The following XYLT1 variants were observed in gnomAD, a reference collection of about 807,000 sequenced individuals.
XYLT1 encodes the protein beta-D-xylosyltransferase 1.
Under a neutral mutation model 91.3 loss-of-function variants are expected in XYLT1, and 36 were observed. That is an observed-to-expected ratio of 0.39 (90% CI 0.30 to 0.52). The LOEUF is 0.52. Ranked by LOEUF, XYLT1 falls within the 20% of genes least tolerant of loss-of-function variation. XYLT1 has a pLI of 0.68. For synonymous variants in XYLT1, 588 were observed against 532.0 expected (o/e 1.11, Z -1.45); for missense variants, 1,242 against 1,284.5 (o/e 0.97, Z 0.51).
chr16:17,161,117 T>C (rs2031539514), intron 5 of XYLT1, among the ~76,000 whole-genome samples: 1 of 152,076 alleles, frequency 6.6e-6, no homozygotes, highest in South Asian at 2.1e-4. Context: ...TCTCCCAGGG[T>C]CAGCGGCTGC....
At position 17,358,034 on chromosome 16, in the gene XYLT1, G is replaced by C. The variant is rs189242011; in HGVS notation, c.380C>G (p.Pro127Arg). Residue 127 changes from proline to arginine, a missense_variant, in exon 2 of 12, where the codon CCG becomes CGG. Around this residue, in one of 3 missense-constraint regions of XYLT1, gnomAD observed 437 missense variants for 411.5 expected, o/e 1.06. Transcript: ENST00000261381. ...TACCTGAGTCTCCAGGGTGATGAGC[G>C]GACTTGGGTGTGGATCCTGTAGGAT... ...PARALDPHPS[P>R]LITLETQDGY... 2 of 1,613,508 alleles carry C rather than the reference G, an allele frequency of 1.2e-6. No individual in the cohort carries two copies. The highest frequency in any genetic ancestry group is 2.2e-5 in the South Asian group (2 of 91,016).
intron 11 of XYLT1, among the ~76,000 whole-genome samples, chr16:17,115,395 A>T (rs1966849920): frequency 6.7e-6 from 1 of 150,200 alleles, no homozygotes; most frequent in African/African-American, 2.4e-5. Flanking sequence ...GAGGTGAGAG[A>T]ATTACTTGAG....
Position 17,138,449 on chromosome 16 carries a change from CGATTCCAGTTGGT to C in XYLT1, c.1657_1669del (p.Thr553AlafsTer48). 1.2e-6 allele frequency: 2 copies of C among 1,614,136 alleles called. No individual in the cohort carries two copies. The highest frequency in any genetic ancestry group is 1.3e-5 in the African/African-American group (1 of 75,026). ...GTACTGGCACTTGCAGCCCAGCTTGCGATTCCAGTTGGTGATGCGCAGGTTGTTGTCCACCATG... is the reference window on the plus strand; with the variant it reads ...GTACTGGCACTTGCAGCCCAGCTTGCGATGCGCAGGTTGTTGTCCACCATG... On this transcript the variant is annotated frameshift_variant, in exon 8 of 12. Transcript: ENST00000261381. LOFTEE classifies it high-confidence loss of function.
chr16:17,436,866 G>T (rs552635631), intron 1 of XYLT1, among the ~76,000 whole-genome samples: 1 of 152,214 alleles, frequency 6.6e-6, no homozygotes, highest in Non-Finnish European at 1.5e-5. Context: ...TTACACAGGC[G>T]TGAGAGAAGT....
At chr16:17,277,675 C>T (rs1204361903) in intron 2 of XYLT1, among the ~76,000 whole-genome samples, 1 of 152,088 alleles carries the variant, frequency 6.6e-6, no homozygotes, top group Non-Finnish European at 1.5e-5. Context: ...CAGGGGTGAG[C>T]CCCCGGGTTC....
intron 1 of XYLT1, among the ~76,000 whole-genome samples, chr16:17,398,818 G>GCACCC (rs2035923770): frequency 1.2e-5 from 1 of 84,746 alleles, no homozygotes; most frequent in African/African-American, 4.6e-5. Flanking sequence ...AAATGTCCCC[G>GCACCC]CCCCCCCCCA....
chr16:17,147,078 CAG>C (rs1440514200), intron 6 of XYLT1, among the ~76,000 whole-genome samples: 1 of 152,174 alleles, frequency 6.6e-6, no homozygotes, highest in Admixed American at 6.5e-5. Context: ...CAATGGAAGA[CAG>C]ATAATCCAAG....
intron 2 of XYLT1, among the ~76,000 whole-genome samples, chr16:17,335,620 G>A (rs2034968554): frequency 6.7e-6 from 1 of 149,660 alleles, no homozygotes; most frequent in Non-Finnish European, 1.5e-5. Context: ...CTTTAACCCG[G>A]AAGGCAGAAG....
At position 17,158,896 on chromosome 16, in the gene XYLT1, A is replaced by G. The variant is rs751439183; in HGVS notation, c.1303T>C (p.Leu435=). 2 of 1,614,052 alleles carry G rather than the reference A, an allele frequency of 1.2e-6. No individual in the cohort carries two copies. The highest frequency in any genetic ancestry group is 1.7e-6 in the Non-Finnish European group (2 of 1,179,990). The change falls in exon 6 of 12, where the codon TTG becomes CTG. Residue 435 remains leucine (L), a synonymous_variant. Transcript: ENST00000261381. The stretch of plus-strand genomic sequence containing the variant: ...CGGTATCGGGAGAGAAACGCCACCA[A>G]CTGGTCATTTGTCCTGTGGAAACAA... The part of the protein sequence containing the change: ...ADYPIRTNDQ[L]VAFLSRYRDM...
At chr16:17,349,396 T>C (rs1332761658) in intron 2 of XYLT1, among the ~76,000 whole-genome samples, 1 of 152,184 alleles carries the variant, frequency 6.6e-6, no homozygotes, top group African/African-American at 2.4e-5. Context: ...TCTACCTATC[T>C]TGTAACATAG....
intron 2 of XYLT1, among the ~76,000 whole-genome samples, chr16:17,322,763 T>A (rs2034743801): frequency 6.6e-6 from 1 of 152,186 alleles, no homozygotes. Context: ...CTCCCCTTCA[T>A]AGCATTTCAC....
rs762406815 is a variant in XYLT1, at chr16:17,117,857, G to GACGGTC, written c.2340_2345dup (p.Thr781_Val782dup). 10 of 1,614,010 alleles carry GACGGTC rather than the reference G, an allele frequency of 6.2e-6. No individual in the cohort carries two copies. The Admixed American group carries it at 8.3e-5, about 13-fold the overall frequency. ...TGACATTGACGGGATCCACCCAAAT[G>GACGGTC]ACGGTCACGGTCACATTAGGTCCCT... On this transcript the variant is annotated inframe_insertion, in exon 11 of 12. Coordinates refer to ENST00000261381, the MANE Select transcript of XYLT1 (RefSeq NM_022166.4).
intron 2 of XYLT1, among the ~76,000 whole-genome samples, chr16:17,276,246 C>T (rs185206328): frequency 6.6e-5 from 10 of 152,292 alleles, no homozygotes; most frequent in Non-Finnish European, 1.3e-4. Context: ...CAGGGGCTTC[C>T]GAGCAAGTTT....
At chr16:17,153,829 T>G (rs2031341303) in intron 6 of XYLT1, among the ~76,000 whole-genome samples, 3 of 152,148 alleles carry the variant, frequency 2.0e-5, no homozygotes, top group Non-Finnish European at 4.4e-5. Context: ...CCCTCACCCA[T>G]GCAAAAAGAT....
chr16:17,393,638 G>A (rs2035847852), intron 1 of XYLT1, among the ~76,000 whole-genome samples: 1 of 152,102 alleles, frequency 6.6e-6, no homozygotes, highest in Non-Finnish European at 1.5e-5. Context: ...ATGAGTCTGG[G>A]TGTGGTGGCT....
intron 2 of XYLT1, among the ~76,000 whole-genome samples, chr16:17,280,076 C>T (rs2034034576): frequency 6.6e-6 from 1 of 152,184 alleles, no homozygotes; most frequent in Non-Finnish European, 1.5e-5. Context: ...CCAGGCTGGG[C>T]GTGGTGGCTC....
intron 3 of XYLT1, among the ~76,000 whole-genome samples, chr16:17,255,818 G>C (rs1002670005): frequency 6.6e-6 from 1 of 152,074 alleles, no homozygotes; most frequent in African/African-American, 2.4e-5. Flanking sequence ...GACCAACGGG[G>C]CCAACATGGT....
chr16:17,335,022 G>A (rs888659211), intron 2 of XYLT1, among the ~76,000 whole-genome samples: 3 of 151,918 alleles, frequency 2.0e-5, no homozygotes, highest in East Asian at 1.9e-4. Flanking sequence ...CCAGGAGTTC[G>A]AAATGAGCCT....
In XYLT1 at chr16:17,134,493, C is replaced by G. The variant is rs150492983; in HGVS notation, c.2007G>C (p.Thr669=). ...GLRRAETSLH[T]DGENSCRYYP... The stretch of plus-strand genomic sequence containing the variant: ...CTCACCGGCAGCTGTTCTCCCCATC[C>G]GTGTGCAGGGACGTCTCGGCCCGTC... The change falls in exon 9 of 12, where the codon ACG becomes ACC. Residue 669 remains threonine (T), a synonymous_variant. Coordinates refer to ENST00000261381, the MANE Select transcript of XYLT1 (RefSeq NM_022166.4). 1 of 1,613,988 alleles carries G rather than the reference C, an allele frequency of 6.2e-7. No homozygotes were observed. Among genetic ancestry groups the G allele is most frequent in the Non-Finnish European group, 8.5e-7 (1 of 1,180,030 alleles).
Sources: allele counts gnomAD v4.1 joint callset (sites outside exome capture counted in the v4.1 genomes callset), GRCh38; gene constraint gnomAD v4.1.1; regional missense constraint gnomAD v4.1.1; transcripts MANE v1.5; gene names NCBI Gene and HGNC (gene_info 2026-07-23, HGNC 2026-07-21).